MED21: variants seen among roughly 807,000 people sequenced by gnomAD.
MED21 encodes mediator of RNA polymerase II transcription subunit 21.
MED21 carries 9 observed loss-of-function variants against 18.2 expected under a neutral mutation model. The observed-to-expected ratio is 0.49, with a 90% CI of 0.30 to 0.86. MED21 has a LOEUF of 0.86. Ranked by LOEUF, MED21 falls within the 40% of genes least tolerant of loss-of-function variation. The pLI is 0.07. For synonymous variants in MED21, 73 were observed against 60.5 expected (o/e 1.21, Z -0.96); for missense variants, 150 against 170.9 (o/e 0.88, Z 0.68).
intron 2 of MED21, among the ~76,000 whole-genome samples, chr12:27,036,224 C>T (rs908185984): frequency 6.6e-6 from 1 of 151,942 alleles, no homozygotes; most frequent in Non-Finnish European, 1.5e-5. Context: ...CTTTTGGCTG[C>T]ATAAATGTCT....
chr12:27,034,468 C>T (rs923229088), downstream of MED21, among the ~76,000 whole-genome samples: 1 of 152,148 alleles, frequency 6.6e-6, no homozygotes, highest in Non-Finnish European at 1.5e-5. Context: ...AATAGATAAA[C>T]AAGGTCTCAC....
intron 3 of MED21, 36 bp from the exon 4 acceptor site, chr12:27,028,249 A>G: frequency 2.6e-6 from 4 of 1,534,964 alleles, no homozygotes; most frequent in Non-Finnish European, 3.5e-6. Flanking sequence ...TTCTCTTTCT[A>G]AACTCTAAAG....
downstream of MED21, among the ~76,000 whole-genome samples, chr12:27,033,464 G>C (rs1193463492): frequency 6.6e-6 from 1 of 152,190 alleles, no homozygotes; most frequent in Non-Finnish European, 1.5e-5. Flanking sequence ...GTGGGGTTGG[G>C]AGGGATACAA....
chr12:27,032,325 A>G (rs368851689), downstream of MED21, among the ~76,000 whole-genome samples: 1 of 152,282 alleles, frequency 6.6e-6, no homozygotes, highest in East Asian at 1.9e-4. Context: ...AGGTGGGGAG[A>G]TAAATAGAAC....
rs945808840 is a variant in MED21 at position 27,029,224 on chromosome 12, G to A, written c.*763G>A. 5 of 985,048 alleles carry A rather than the reference G, an allele frequency of 5.1e-6. No individual in the cohort carries two copies. The highest frequency in any genetic ancestry group is 1.7e-5 in the African/African-American group (1 of 57,148). 61.0% of individuals were successfully genotyped at this position (985,048 alleles called of 1,614,324 possible). Reference sequence around the variant, plus strand: ...ATTCTTTCTCATTCTCCATTTATCTGAAGGTTCTTTTGCCCTTATTAACCT... The same window carrying A: ...ATTCTTTCTCATTCTCCATTTATCTAAAGGTTCTTTTGCCCTTATTAACCT... On this transcript the variant is annotated 3_prime_UTR_variant, in exon 4 of 4. Coordinates refer to ENST00000282892, the MANE Select transcript of MED21 (RefSeq NM_004264.5).
chr12:27,026,515 G>C lies in MED21; in HGVS notation c.138G>C (p.Gln46His). The C allele has an allele frequency of 6.2e-7, 1 of 1,613,276 alleles. No individual in the cohort carries two copies. The part of the protein sequence containing the change: ...NNIQTAINKD[Q>H]PANPTEEYAQ... ...TTCAGACAGCAATTAACAAAGACCA[G>C]CCAGCTAACCCTACAGAAGGTAAAC... Residue 46 changes from glutamine to histidine, a missense_variant, in exon 2 of 4, where the codon CAG becomes CAC. Physicochemically the swap from Gln to His is conservative, Grantham distance 24. Transcript: ENST00000282892.
downstream of MED21, among the ~76,000 whole-genome samples, chr12:27,031,547 C>T (rs1018690422): frequency 1.3e-5 from 2 of 152,142 alleles, no homozygotes; most frequent in Non-Finnish European, 1.5e-5. Flanking sequence ...CATAGACTGT[C>T]AATTACCTTG....
intron 2 of MED21, among the ~76,000 whole-genome samples, chr12:27,036,676 C>A (rs1454029460): frequency 6.6e-6 from 1 of 152,222 alleles, no homozygotes; most frequent in African/African-American, 2.4e-5. Context: ...GTTTTCCCAG[C>A]ACCGTTTATT....
rs1592337348 is a variant in MED21 at position 27,030,644 on chromosome 12, G to A, written c.*2183G>A. 1 of 153,334 alleles carries A rather than the reference G, an allele frequency of 6.5e-6. No homozygotes were observed. The highest frequency in any genetic ancestry group is 2.4e-5 in the African/African-American group (1 of 41,514). The allele number at this position is 153,334 out of a possible 1,614,324, so 9.5% of individuals were successfully genotyped here. A position where few individuals can be genotyped will look rare whatever the true frequency, so the allele number is the denominator to read the frequency against. On this transcript the variant is annotated 3_prime_UTR_variant, in exon 4 of 4. Coordinates refer to ENST00000282892, the MANE Select transcript of MED21 (RefSeq NM_004264.5). ...AAAACTGGATAAGAAGCTGTGGCTT[G>A]TAATTAAAAATAGACCTTTATTCAC...
At chr12:27,027,792 A>C (rs1479960026) in intron 3 of MED21, among the ~76,000 whole-genome samples, 1 of 152,224 alleles carries the variant, frequency 6.6e-6, no homozygotes, top group East Asian at 1.9e-4. Flanking sequence ...TTTTAAGGGT[A>C]CTAATTCCAT....
Position 27,029,964 on chromosome 12 carries a change from AAGT to A in MED21, c.*1504_*1506del, listed in dbSNP as rs1941596892. 1 of 250,038 alleles carries A rather than the reference AAGT, an allele frequency of 4.0e-6. No individual in the cohort carries two copies. The highest frequency in any genetic ancestry group is 6.3e-6 in the Non-Finnish European group (1 of 157,604). The allele number at this position is 250,038 out of a possible 1,614,324, so 15.5% of individuals were successfully genotyped here. On this transcript the variant is annotated 3_prime_UTR_variant, in exon 4 of 4. Transcript: ENST00000282892. ...AAGGGAAGCTTTTTAAAAAGAAGGG[AAGT>A]TATAGCAGAAGGAAACTTAGAATGG... is the stretch of plus-strand genomic sequence containing the variant.
downstream of MED21, among the ~76,000 whole-genome samples, chr12:27,032,987 C>T (rs1260228844): frequency 1.3e-5 from 2 of 152,148 alleles, no homozygotes; most frequent in Admixed American, 1.3e-4. Context: ...CTCCTCTCCT[C>T]CACGTTAGTT....
chr12:27,027,329 A>G lies in MED21; in HGVS notation c.158-18A>G, dbSNP rs531568694. ...TTGAGGTTTTCTAATATCCTAATCT[A>G]GCAGTATCTTTCTCTAGAGTATGCC... On this transcript the variant is annotated intron_variant, in intron 2 of 3. Coordinates refer to ENST00000282892, the MANE Select transcript of MED21 (RefSeq NM_004264.5). 3.1e-5 allele frequency: 49 copies of G among 1,565,780 alleles called. No homozygotes were observed. The South Asian group carries it at 5.1e-4, about 16-fold the overall frequency.
At chr12:27,038,633 T>C (rs1163749348) in intron 2 of MED21, 3 of 152,208 alleles carry the variant, frequency 2.0e-5, no homozygotes, top group African/African-American at 7.2e-5. Flanking sequence ...AGACAAATAC[T>C]GTACACCAGT....
chr12:27,022,823 G>T (rs1299478274), intron 1 of MED21: 1 of 1,495,308 alleles, frequency 6.7e-7, no homozygotes, highest in African/African-American at 1.4e-5. Context: ...GGTGCGGGAG[G>T]GAGCAGACTC....
chr12:27,031,712 G>A (rs1414299969), downstream of MED21, among the ~76,000 whole-genome samples: 1 of 151,914 alleles, frequency 6.6e-6, no homozygotes, highest in Non-Finnish European at 1.5e-5. Context: ...AAAAAAAAAT[G>A]CTACTACAAA....
chr12:27,026,380 T>C, intron 1 of MED21, 40 bp from the exon 2 acceptor site: 1 of 1,342,294 alleles, frequency 7.4e-7, no homozygotes, highest in Non-Finnish European at 1.1e-6. Context: ...TTAAAACTGA[T>C]AAGTCCTTTC....
At chr12:27,033,552 T>G (rs2136495377), downstream of MED21, among the ~76,000 whole-genome samples, 1 of 152,314 alleles carries the variant, frequency 6.6e-6, no homozygotes, top group Admixed American at 6.5e-5. Context: ...TTTGTTTGTT[T>G]TACTTGACCT....
rs1233917771 is a variant in MED21, at chr12:27,030,036, TTC to T, written c.*1579_*1580del. 4 of 441,026 alleles carry T rather than the reference TTC, an allele frequency of 9.1e-6. No individual in the cohort carries two copies. The highest frequency in any genetic ancestry group is 8.0e-5 in the African/African-American group (4 of 50,112). The allele number at this position is 441,026 out of a possible 1,614,324, so 27.3% of individuals were successfully genotyped here. A position where few individuals can be genotyped will look rare whatever the true frequency, so the allele number is the denominator to read the frequency against. On this transcript the variant is annotated 3_prime_UTR_variant, in exon 4 of 4. Coordinates refer to ENST00000282892, the MANE Select transcript of MED21 (RefSeq NM_004264.5). Reference sequence around the variant, plus strand: ...AATGTATAGGGTAAATATAATAGACTTCTCTTGAGGTTTTAAAAATTACATTT... The same window carrying T: ...AATGTATAGGGTAAATATAATAGACTTCTTGAGGTTTTAAAAATTACATTT...
Sources: allele counts gnomAD v4.1 joint callset (sites outside exome capture counted in the v4.1 genomes callset), GRCh38; gene constraint gnomAD v4.1.1; transcripts MANE v1.5; gene names NCBI Gene and HGNC (gene_info 2026-07-23, HGNC 2026-07-21).